CALHM4: variants seen among roughly 807,000 people sequenced by gnomAD.
CALHM4 encodes calcium homeostasis modulator protein 4.
CALHM4 carries 16 observed loss-of-function variants against 13.3 expected under a neutral mutation model. That is an observed-to-expected ratio of 1.20 (90% confidence interval 0.81 to 1.82). The LOEUF (loss-of-function observed/expected upper bound fraction) is 1.82. Ranked by LOEUF, CALHM4 falls within the 40% of genes most tolerant of loss-of-function variation. The pLI is 0.00. For missense variants in CALHM4, 344 were observed against 374.9 expected (o/e 0.92, Z 0.68); for synonymous variants, 127 against 137.1 (o/e 0.93, Z 0.52).
In CALHM4 at chr6:116,546,095, A is replaced by G. The variant is rs554033406; in HGVS notation, c.-1+2223A>G. On this transcript the variant is annotated intron_variant, in intron 2 of 2. Coordinates refer to the CALHM4 transcript ENST00000368597. The stretch of plus-strand genomic sequence containing the variant: ...ATAGATCCCTATCTTGTGTGATTAC[A>G]GTATTCAAATATATCTGGTAACTTT... Among the ~76,000 whole-genome samples, 84 of 152,348 alleles carry G rather than the reference A, an allele frequency of 5.5e-4. 1 individual carries two copies. In the South Asian group the frequency reaches 0.017, roughly 31 times the overall value.
At chr6:116,531,619 T>C (rs975081145) in intron 1 of CALHM4, among the ~76,000 whole-genome samples, 1 of 152,168 alleles carries the variant, frequency 6.6e-6, no homozygotes, top group African/African-American at 2.4e-5. Context: ...AACCAAATGC[T>C]GGTAACCTAA....
chr6:116,542,406 A>G (rs1363294072), intron 1 of CALHM4, among the ~76,000 whole-genome samples: 3 of 152,144 alleles, frequency 2.0e-5, no homozygotes, highest in Non-Finnish European at 4.4e-5. Flanking sequence ...TTCAATCTTT[A>G]TGTTGTCTTT....
At chr6:116,540,534 G>A in intron 1 of CALHM4, 3 of 1,436,188 alleles carry the variant, frequency 2.1e-6, no homozygotes, top group Non-Finnish European at 2.9e-6. Context: ...TTTAAGAAGC[G>A]ATTTGTGTGT....
chr6:116,541,269 A>G (rs545788965), intron 1 of CALHM4, among the ~76,000 whole-genome samples: 81 of 152,208 alleles, frequency 5.3e-4, no homozygotes, highest in Non-Finnish European at 1.0e-3. Context: ...CAGAATCTCT[A>G]TCTTATAAGA....
chr6:116,559,697 A>T lies in CALHM4; in HGVS notation c.*1486A>T, dbSNP rs1320933718. 6.6e-6 allele frequency among the ~76,000 whole-genome samples: 1 copy of T among 152,158 alleles called. No homozygotes were observed. The highest frequency in any genetic ancestry group is 1.5e-5 in the Non-Finnish European group (1 of 68,008). ...TCATCTATACAATAAAAGGGATGAT[A>T]ATATTTTACCTCTTGGAAGAAAATA... On this transcript the variant is annotated 3_prime_UTR_variant, in exon 2 of 2. Coordinates refer to ENST00000368596, the MANE Select transcript of CALHM4 (RefSeq NM_001366078.2).
intron 1 of CALHM4, among the ~76,000 whole-genome samples, chr6:116,555,336 A>C (rs1774263334): frequency 6.6e-6 from 1 of 152,164 alleles, no homozygotes; most frequent in Non-Finnish European, 1.5e-5. Context: ...ACTTAAAATA[A>C]TTTTCTTGCT....
intron 1 of CALHM4, among the ~76,000 whole-genome samples, chr6:116,532,437 T>C (rs1378829790): frequency 6.6e-6 from 1 of 152,182 alleles, no homozygotes; most frequent in African/African-American, 2.4e-5. Context: ...ACTTTAACAG[T>C]ATTTAATAAA....
At chr6:116,547,300 G>A (rs988730167) in intron 2 of CALHM4, among the ~76,000 whole-genome samples, 2 of 152,170 alleles carry the variant, frequency 1.3e-5, no homozygotes, top group African/African-American at 4.8e-5. Context: ...CTTGCTGCGA[G>A]GTGATGGCGG....
intron 1 of CALHM4, among the ~76,000 whole-genome samples, chr6:116,530,504 C>T (rs1480340592): frequency 2.0e-5 from 3 of 152,098 alleles, no homozygotes; most frequent in African/African-American, 7.2e-5. Context: ...AAAGGGAAAC[C>T]TAATACTACC....
chr6:116,560,043 T>C lies in CALHM4; in HGVS notation c.*1832T>C, dbSNP rs550271096. The stretch of plus-strand genomic sequence containing the variant: ...AGGATGTTAAAAATACAAATAGAAG[T>C]ATGTTGTGGAAGGCAACTAGGGTTC... On this transcript the variant is annotated 3_prime_UTR_variant, in exon 2 of 2. Transcript: ENST00000368596. 6.6e-6 allele frequency among the ~76,000 whole-genome samples: 1 copy of C among 152,154 alleles called. No individual in the cohort carries two copies. The highest frequency in any genetic ancestry group is 2.4e-5 in the African/African-American group (1 of 41,450).
At chr6:116,535,588 C>G (rs983891786) in intron 1 of CALHM4, among the ~76,000 whole-genome samples, 1 of 152,016 alleles carries the variant, frequency 6.6e-6, no homozygotes, top group Non-Finnish European at 1.5e-5. Context: ...GCTCTTTGAC[C>G]AGAGACAGGT....
chr6:116,538,349 C>G (rs9488960), intron 1 of CALHM4, among the ~76,000 whole-genome samples: 5,003 of 152,280 alleles, frequency 0.033, 266 homozygotes, highest in African/African-American at 0.11. Context: ...GACCCTACAT[C>G]GTGTGACAGA....
At chr6:116,543,840 C>T (rs1583300930) in exon 2 of CALHM4, 2 of 1,534,232 alleles carry the variant, frequency 1.3e-6, no homozygotes, top group Non-Finnish European at 1.7e-6. Flanking sequence ...CCAAGGAGAC[C>T]TTCAGGATAA....
At chr6:116,557,711 T>C (rs1017072773) in intron 1 of CALHM4, 114 bp from the exon 2 acceptor site, 36 of 1,289,022 alleles carry the variant, frequency 2.8e-5, no homozygotes, top group South Asian at 2.5e-4. Flanking sequence ...GAAAAGCAAA[T>C]TTTATGTCCA....
chr6:116,540,239 C>A, intron 1 of CALHM4: 1 of 862,144 alleles, frequency 1.2e-6, no homozygotes, highest in Non-Finnish European at 1.8e-6. Context: ...CAATCAGAAT[C>A]TCCTTTCTCA....
At chr6:116,535,139 C>A (rs1199868837) in intron 1 of CALHM4, among the ~76,000 whole-genome samples, 1 of 152,214 alleles carries the variant, frequency 6.6e-6, no homozygotes, top group African/African-American at 2.4e-5. Context: ...ATTCACCACA[C>A]TCAGCTATTT....
chr6:116,557,994 T>G lies in CALHM4; in HGVS notation c.728T>G (p.Leu243Arg). The G allele has an allele frequency of 1.9e-6, 3 of 1,614,148 alleles. No homozygotes were observed. The highest frequency in any genetic ancestry group is 2.5e-6 in the Non-Finnish European group (3 of 1,180,014). The stretch of plus-strand genomic sequence containing the variant: ...GCAGCAGAGCAGCACTCTCGGCTCC[T>G]CATGATGCATCGCATAAAGAAGCTA... ...EQAAEQHSRL[L>R]MMHRIKKLFG... Residue 243 changes from leucine to arginine, a missense_variant, in exon 2 of 2, where the codon CTC becomes CGC. Coordinates refer to ENST00000368596, the MANE Select transcript of CALHM4 (RefSeq NM_001366078.2).
chr6:116,556,939 CTTTT>C (rs35964763), intron 1 of CALHM4, among the ~76,000 whole-genome samples: 3 of 119,484 alleles, frequency 2.5e-5, no homozygotes, highest in Admixed American at 9.3e-5. Flanking sequence ...TATTTTTAAT[CTTTT>C]TTTTTTTTTT....
chr6:116,553,281 T>C (rs187037799), upstream of CALHM4, among the ~76,000 whole-genome samples: 10 of 152,364 alleles, frequency 6.6e-5, no homozygotes, highest in Non-Finnish European at 1.0e-4. Context: ...GGGAAATCTT[T>C]TGAGCTCTTC....
Sources: gnomAD v4.1 joint callset for allele counts (sites outside exome capture counted in the v4.1 genomes callset) on GRCh38, gnomAD v4.1.1 for gene constraint, MANE v1.5 for transcripts, NCBI Gene and HGNC (gene_info 2026-07-23, HGNC 2026-07-21) for gene names.